Variants in C2CD3 observed in about 807,000 individuals in gnomAD.
C2CD3 encodes C2 domain containing 3 centriole elongation regulator, also known as C2 domain-containing protein 3.
C2CD3 carries 148 observed loss-of-function variants against 234.0 expected under a neutral mutation model. That is an observed-to-expected ratio of 0.63 (90% CI 0.55 to 0.72). C2CD3 has a LOEUF of 0.72. C2CD3 is among the 30% of genes least tolerant of loss of function. The pLI, the probability that C2CD3 is intolerant of heterozygous loss-of-function variation, is 0.00. For synonymous variants in C2CD3, 1,000 were observed against 1,035.4 expected, an observed-to-expected ratio of 0.97 and a Z score of 0.66; for missense variants, 2,577 against 2,811.5, an observed-to-expected ratio of 0.92 and a Z score of 1.89.
At chr11:74,153,063 A>G (rs1403525835) in intron 3 of C2CD3, among the ~76,000 whole-genome samples, 5 of 152,120 alleles carry the variant, frequency 3.3e-5, no homozygotes, top group Non-Finnish European at 7.4e-5. Context: ...TGTCTCTACA[A>G]AAAAATTTTA....
chr11:74,145,979 T>C (rs1033836017), intron 3 of C2CD3, among the ~76,000 whole-genome samples: 4 of 152,208 alleles, frequency 2.6e-5, no homozygotes, highest in Non-Finnish European at 4.4e-5. Context: ...AACAAGAATA[T>C]TTCTAATGGT....
Position 74,033,505 on chromosome 11 carries a change from C to T in C2CD3, c.6655G>A (p.Gly2219Ser), listed in dbSNP as rs746070169. The T allele has an allele frequency of 4.0e-5, 61 of 1,536,042 alleles. No individual in the cohort carries two copies. Among genetic ancestry groups the T allele is most frequent in the Admixed American group, 1.6e-4 (8 of 50,978 alleles). ...TTCTTGAAGCTATCAGCAGAGTCACCGAGCTCACTGGTGGCAGCTTCATTC... is the reference window on the plus strand; with the variant it reads ...TTCTTGAAGCTATCAGCAGAGTCACTGAGCTCACTGGTGGCAGCTTCATTC... Reference protein sequence around the residue: ...AENEAATSELGDSADSFKKLP... With the variant: ...AENEAATSELSDSADSFKKLP... Residue 2219 changes from glycine to serine, a missense_variant, in exon 31 of 33, where the codon GGT (glycine) becomes AGT (serine). Gly to Ser is a moderately conservative substitution (Grantham distance 56). Coordinates refer to ENST00000334126, the MANE Select transcript of C2CD3 (RefSeq NM_001286577.2).
chr11:74,111,967 CACATATAT>C (rs1451815118), intron 11 of C2CD3, among the ~76,000 whole-genome samples: 76 of 86,832 alleles, frequency 8.8e-4, no homozygotes, highest in African/African-American at 3.3e-3. Flanking sequence ...CACACACACA[CACATATAT>C]ATATACACAC....
rs2135395139 is a variant in C2CD3, at chr11:74,013,512, G to C, written c.6935C>G (p.Ala2312Gly). 1.5e-6 allele frequency: 2 copies of C among 1,362,806 alleles called. No homozygotes were observed. The highest frequency in any genetic ancestry group is 5.9e-5 in the East Asian group (2 of 33,620). The allele number at this position is 1,362,806 out of a possible 1,614,324, so 84.4% of individuals were successfully genotyped here. A position where few individuals can be genotyped will look rare whatever the true frequency, so the allele number is the denominator to read the frequency against. ...CCTTTGGGAGAGAGCTCCCCTGGTGGCTTCGCTCTTGTCCTGGAGAGGAAG... is the reference window on the plus strand; with the variant it reads ...CCTTTGGGAGAGAGCTCCCCTGGTGCCTTCGCTCTTGTCCTGGAGAGGAAG... ...AATTDQDKSEATRGALSQRPC... is the reference protein window; with the variant it reads ...AATTDQDKSEGTRGALSQRPC... The change falls in exon 33 of 33, where the codon GCC (alanine) becomes GGC (glycine). Residue 2312 changes from alanine (A) to glycine (G), a missense_variant. Transcript: ENST00000334126.
rs1037153684 is a variant in C2CD3, at chr11:74,024,909, T to G, written c.6921+3378A>C. On this transcript the variant is annotated intron_variant, in intron 32 of 32. Transcript: ENST00000334126. ...GTTCCAGTGCTAAAACTGCATCAGTTCTGGGCTAACCATGATGACTGGTCA... is the reference window on the plus strand; with the variant it reads ...GTTCCAGTGCTAAAACTGCATCAGTGCTGGGCTAACCATGATGACTGGTCA... Among the ~76,000 whole-genome samples, 60 of 152,106 alleles carry G rather than the reference T, an allele frequency of 3.9e-4. 1 individual carries two copies. Among genetic ancestry groups the G allele is most frequent in the African/African-American group, 1.4e-3 (59 of 41,412 alleles).
chr11:74,130,289 A>T (rs1957619649), intron 7 of C2CD3, among the ~76,000 whole-genome samples: 2 of 151,398 alleles, frequency 1.3e-5, no homozygotes, highest in Admixed American at 6.6e-5. Context: ...ACGGTGGTGT[A>T]ATCCTAGCTC....
chr11:74,069,691 A>C (rs539793079), intron 24 of C2CD3, among the ~76,000 whole-genome samples: 11 of 152,292 alleles, frequency 7.2e-5, no homozygotes, highest in African/African-American at 2.4e-4. Context: ...CCTGACTCGT[A>C]CTTTAGATTT....
intron 9 of C2CD3, among the ~76,000 whole-genome samples, chr11:74,115,233 C>CAT (rs985699214): frequency 1.3e-5 from 2 of 151,186 alleles, no homozygotes; most frequent in African/African-American, 4.9e-5. Flanking sequence ...TATATACATA[C>CAT]ATATATATAC....
intron 3 of C2CD3, among the ~76,000 whole-genome samples, chr11:74,140,649 C>A (rs930943807): frequency 1.3e-5 from 2 of 152,146 alleles, no homozygotes; most frequent in African/African-American, 4.8e-5. Context: ...CTATCTTCTT[C>A]ATTTTTCTAT....
chr11:74,086,839 T>C (rs116677075), intron 20 of C2CD3, among the ~76,000 whole-genome samples: 2,132 of 152,286 alleles, frequency 0.014, 55 homozygotes, highest in African/African-American at 0.049. Flanking sequence ...TTTTGAAGCA[T>C]TTCTTGATAT....
intron 3 of C2CD3, 95 bp downstream of exon 3, chr11:74,161,304 C>A: frequency 1.6e-6 from 1 of 644,558 alleles, no homozygotes; most frequent in Non-Finnish European, 2.5e-6. Flanking sequence ...GCATGATATA[C>A]AGGAGCCATG....
In C2CD3 at chr11:74,100,570, A is replaced by G. The variant is rs1956276080; in HGVS notation, c.2687T>C (p.Leu896Pro). Residue 896 changes from leucine to proline, a missense_variant, in exon 15 of 33, where the codon CTC becomes CCC. Transcript: ENST00000334126. ...KVRSPGQDKL[L>P]GLVKLPLHQF... is the part of the protein sequence containing the mutation. ...GTGGAGGGGAAGTTTCACCAGCCCG[A>G]GCAGCTTGTCCTGTCCTGGGCTCCG... The G allele has an allele frequency of 6.2e-7, 1 of 1,613,972 alleles. No individual in the cohort carries two copies. Among genetic ancestry groups the G allele is most frequent in the Non-Finnish European group, 8.5e-7 (1 of 1,179,948 alleles).
chr11:74,064,286 CAGAG>C (rs948212334), intron 24 of C2CD3, among the ~76,000 whole-genome samples: 12 of 152,128 alleles, frequency 7.9e-5, no homozygotes, highest in Admixed American at 4.6e-4. Flanking sequence ...ACACCAAAAA[CAGAG>C]AGCCAAGTCA....
In C2CD3 at chr11:74,057,551, T is replaced by C; in HGVS notation, c.4952-7A>G. ...CGCTCTGTCAAGGGGCTCCCTGAAA[T>C]AGAATAAAGTGCAGTGACTGTACTT... is the stretch of plus-strand genomic sequence containing the variant. On this transcript the variant is annotated splice_polypyrimidine_tract_variant and splice_region_variant and intron_variant, in intron 24 of 32. Coordinates refer to ENST00000334126, the MANE Select transcript of C2CD3 (RefSeq NM_001286577.2). 2 of 1,613,980 alleles carry C rather than the reference T, an allele frequency of 1.2e-6. No individual in the cohort carries two copies. Among genetic ancestry groups the C allele is most frequent in the Non-Finnish European group, 1.7e-6 (2 of 1,179,940 alleles).
Position 74,090,876 on chromosome 11 carries a change from G to T in C2CD3, c.3578C>A (p.Ala1193Asp), listed in dbSNP as rs1449947102. 6.2e-7 allele frequency: 1 copy of T among 1,614,060 alleles called. No individual in the cohort carries two copies. The highest frequency in any genetic ancestry group is 8.5e-7 in the Non-Finnish European group (1 of 1,179,946). Residue 1193 changes from alanine (A) to aspartate (D), a missense_variant, in exon 20 of 33, where the codon GCT becomes GAT. Coordinates refer to ENST00000334126, the MANE Select transcript of C2CD3 (RefSeq NM_001286577.2). ...RSPRTAEGVL[A>D]ARTVSISVQI... ...GACTGAGATGGAAACAGTTCGGGCA[G>T]CAAGAACTCCCTCTGCTGTTCTTGG...
At chr11:74,028,225 G>A (rs1380354712) in intron 32 of C2CD3, 62 bp downstream of exon 32, 2 of 1,215,640 alleles carry the variant, frequency 1.6e-6, no homozygotes, top group African/African-American at 3.0e-5. Flanking sequence ...TGCATTCTGT[G>A]CACACTTCTG....
At chr11:74,101,347 A>G (rs1320950462) in intron 14 of C2CD3, among the ~76,000 whole-genome samples, 1 of 152,230 alleles carries the variant, frequency 6.6e-6, no homozygotes. Flanking sequence ...TGTAGGGACA[A>G]CTGTAACAGT....
chr11:74,049,175 T>C (rs1565228023), intron 27 of C2CD3, among the ~76,000 whole-genome samples, 162 bp downstream of exon 27: 2 of 152,352 alleles, frequency 1.3e-5, no homozygotes, highest in South Asian at 2.1e-4. Flanking sequence ...TACTAACTAA[T>C]TCCAGAACAT....
intron 1 of C2CD3, 123 bp downstream of exon 1, chr11:74,170,615 C>A: frequency 8.8e-7 from 1 of 1,141,632 alleles, no homozygotes; most frequent in Non-Finnish European, 1.3e-6. Context: ...CCTTCTGGTT[C>A]CCTGGCTACT....
Sources: gnomAD v4.1 joint callset for allele counts (sites outside exome capture counted in the v4.1 genomes callset) on GRCh38, gnomAD v4.1.1 for gene constraint, MANE v1.5 for transcripts, NCBI Gene and HGNC (gene_info 2026-07-23, HGNC 2026-07-21) for gene names.